Variants in NHEJ1 observed in about 807,000 individuals in gnomAD.
NHEJ1 encodes the protein non-homologous end joining factor 1.
In NHEJ1, 22 loss-of-function variants were observed where a neutral mutation model predicts 39.4. That is an observed-to-expected ratio of 0.56 (90% CI 0.40 to 0.80). The LOEUF is 0.80. NHEJ1 is among the 30% of genes least tolerant of loss of function. The probability of loss-of-function intolerance (pLI) is 0.00; values close to 1 mark genes in which losing one functional copy is unlikely to be tolerated. For missense variants in NHEJ1, 329 were observed against 357.1 expected (o/e 0.92, Z 0.63); for synonymous variants, 154 against 135.6 (o/e 1.14, Z -0.94).
intron 5 of NHEJ1, among the ~76,000 whole-genome samples, chr2:219,113,653 T>C (rs1363742250): frequency 1.3e-5 from 2 of 152,146 alleles, no homozygotes; most frequent in East Asian, 3.8e-4. Context: ...TCCACTCTCA[T>C]TTTTCTCCCC....
intron 5 of NHEJ1, among the ~76,000 whole-genome samples, chr2:219,145,020 G>A (rs915987139): frequency 6.6e-6 from 1 of 152,128 alleles, no homozygotes; most frequent in South Asian, 2.1e-4. Flanking sequence ...TTCAAGACCA[G>A]CCTGATCAAC....
rs552300720 is a variant in NHEJ1, at chr2:219,158,416, A to AGGT, written c.1-55_1-54insACC. The AGGT allele has an allele frequency of 8.7e-5, 136 of 1,558,744 alleles. No homozygotes were observed. In the African/African-American group the frequency reaches 1.8e-3, roughly 21 times the overall value. On this transcript the variant is annotated intron_variant, in intron 1 of 7. Coordinates refer to ENST00000356853, the MANE Select transcript of NHEJ1 (RefSeq NM_024782.3). ...GCCTCAGGGTCATGCTGGCCTAGGG[A>AGGT]GGGCACCACCCAAACCAGTCTGTAT...
chr2:219,102,341 G>A (rs187248620), intron 5 of NHEJ1: 1 of 152,302 alleles, frequency 6.6e-6, no homozygotes, highest in African/African-American at 2.4e-5. Context: ...AATAGGAGAA[G>A]ATCAACTCAT....
chr2:219,141,415 G>T (rs547311674), intron 5 of NHEJ1, among the ~76,000 whole-genome samples: 2 of 148,702 alleles, frequency 1.3e-5, no homozygotes, highest in African/African-American at 5.2e-5. Context: ...GGGGAAAAGG[G>T]AGAGAAAAAT....
At chr2:219,092,169 C>A (rs1949166627) in intron 5 of NHEJ1, among the ~76,000 whole-genome samples, 1 of 152,026 alleles carries the variant, frequency 6.6e-6, no homozygotes, top group Non-Finnish European at 1.5e-5. Context: ...GTGGCACATG[C>A]CTATGGTCCC....
intron 5 of NHEJ1, among the ~76,000 whole-genome samples, chr2:219,145,605 T>TA (rs1949731486): frequency 6.6e-6 from 1 of 152,182 alleles, no homozygotes; most frequent in African/African-American, 2.4e-5. Flanking sequence ...ACTTACATGA[T>TA]AAAGTACCAA....
intron 5 of NHEJ1, among the ~76,000 whole-genome samples, chr2:219,137,070 A>AG (rs1183999898): frequency 2.7e-5 from 4 of 148,880 alleles, no homozygotes; most frequent in Middle Eastern, 3.4e-3. Flanking sequence ...GCTCTTCTTG[A>AG]GAAAAAAAAA....
chr2:219,080,994 T>C (rs1227959445), intron 5 of NHEJ1, among the ~76,000 whole-genome samples: 1 of 152,054 alleles, frequency 6.6e-6, no homozygotes, highest in Non-Finnish European at 1.5e-5. Context: ...AGAATTTTGG[T>C]CAAAAGAGCA....
At chr2:219,080,683 A>C (rs1949058533) in intron 5 of NHEJ1, among the ~76,000 whole-genome samples, 1 of 90,178 alleles carries the variant, frequency 1.1e-5, no homozygotes, top group South Asian at 3.5e-4. Flanking sequence ...ATATGCTAAT[A>C]TATATGCTTA....
At position 219,075,996 on chromosome 2, in the gene NHEJ1, T is replaced by C; in HGVS notation, c.*385A>G. ...GGGACTGTGAGTGCTTTTTATTCCA[T>C]GCAAAAGAGAGAAGTGGGTCTCTGA... On this transcript the variant is annotated 3_prime_UTR_variant, in exon 8 of 8. Coordinates refer to ENST00000356853, the MANE Select transcript of NHEJ1 (RefSeq NM_024782.3). 5.6e-6 allele frequency: 2 copies of C among 359,418 alleles called. No individual in the cohort carries two copies. The highest frequency in any genetic ancestry group is 1.0e-5 in the Non-Finnish European group (2 of 197,532). 22.3% of individuals were successfully genotyped at this position (359,418 alleles called of 1,614,324 possible). A position where few individuals can be genotyped will look rare whatever the true frequency, so the allele number is the denominator to read the frequency against.
At chr2:219,113,875 C>T (rs1401502153) in intron 5 of NHEJ1, among the ~76,000 whole-genome samples, 1 of 152,046 alleles carries the variant, frequency 6.6e-6, no homozygotes, top group East Asian at 1.9e-4. Flanking sequence ...AAAAAAAGTT[C>T]GTCCCTCTCA....
intron 5 of NHEJ1, among the ~76,000 whole-genome samples, chr2:219,131,956 C>T (rs1433560518): frequency 6.6e-6 from 1 of 152,192 alleles, no homozygotes; most frequent in South Asian, 2.1e-4. Context: ...AATACTGGAC[C>T]GGAAGGTCAG....
At chr2:219,133,732 TTAA>T (rs1949599362) in intron 5 of NHEJ1, among the ~76,000 whole-genome samples, 1 of 152,194 alleles carries the variant, frequency 6.6e-6, no homozygotes. Flanking sequence ...GGAAAAGACT[TTAA>T]AAATTATTGG....
intron 5 of NHEJ1, among the ~76,000 whole-genome samples, chr2:219,109,189 T>C (rs1018265602): frequency 2.0e-5 from 3 of 152,162 alleles, no homozygotes; most frequent in African/African-American, 7.2e-5. Context: ...TCAATGCCAG[T>C]CTTTTCCTTC....
chr2:219,116,199 C>T (rs1949414371), intron 5 of NHEJ1, among the ~76,000 whole-genome samples: 1 of 152,228 alleles, frequency 6.6e-6, no homozygotes, highest in African/African-American at 2.4e-5. Flanking sequence ...CAGTCAAGGC[C>T]TATGCCCTGG....
At chr2:219,090,684 G>C (rs543408875) in intron 5 of NHEJ1, among the ~76,000 whole-genome samples, 1 of 152,296 alleles carries the variant, frequency 6.6e-6, no homozygotes, top group East Asian at 1.9e-4. Context: ...GAACAGCATG[G>C]GGTGGGGACA....
chr2:219,094,097 C>T (rs980987308), intron 5 of NHEJ1, among the ~76,000 whole-genome samples: 3 of 152,150 alleles, frequency 2.0e-5, no homozygotes, highest in East Asian at 3.9e-4. Flanking sequence ...CTTGAGTTAT[C>T]GGCCACCAGT....
At chr2:219,148,691 A>G (rs1167896869) in intron 3 of NHEJ1, among the ~76,000 whole-genome samples, 1 of 152,214 alleles carries the variant, frequency 6.6e-6, no homozygotes, top group Admixed American at 6.5e-5. Flanking sequence ...ACAGAAGGTA[A>G]AGACCCTTGA....
chr2:219,159,554 T>TATGC (rs1949899785), intron 1 of NHEJ1, among the ~76,000 whole-genome samples: 2 of 56,330 alleles, frequency 3.6e-5, no homozygotes, highest in South Asian at 1.5e-3. Context: ...TATATATGCA[T>TATGC]ATATATATGC....
Sources: allele counts gnomAD v4.1 joint callset (sites outside exome capture counted in the v4.1 genomes callset), GRCh38; gene constraint gnomAD v4.1.1; transcripts MANE v1.5; gene names NCBI Gene and HGNC (gene_info 2026-07-23, HGNC 2026-07-21).